The following AKR1C3 variants were observed in gnomAD, a reference collection of about 807,000 sequenced individuals.
AKR1C3 encodes aldo-keto reductase family 1 member C3, also known as 3-alpha hydroxysteroid dehydrogenase, type II.
In AKR1C3, 48 loss-of-function variants were observed where a neutral mutation model predicts 43.6. That is an observed-to-expected ratio of 1.10 (90% CI 0.87 to 1.40). AKR1C3 has a LOEUF of 1.40. Among genes scored for constraint, AKR1C3 ranks in the 40% most tolerant of loss-of-function variants. The probability of loss-of-function intolerance (pLI) is 0.00; values close to 1 mark genes in which losing one functional copy is unlikely to be tolerated. For missense variants in AKR1C3, 482 were observed against 391.2 expected (o/e 1.23, Z -1.96); for synonymous variants, 162 against 139.6 (o/e 1.16, Z -1.13).
At chr10:5,059,582 C>A (rs1838336005) in intron 1 of AKR1C3, among the ~76,000 whole-genome samples, 1 of 152,176 alleles carries the variant, frequency 6.6e-6, no homozygotes, top group Admixed American at 6.5e-5. Flanking sequence ...GGGTTGTTAG[C>A]CCTTTCCCAG....
chr10:5,082,058 T>C (rs1838849204), intron 1 of AKR1C3, among the ~76,000 whole-genome samples: 1 of 152,186 alleles, frequency 6.6e-6, no homozygotes, highest in African/African-American at 2.4e-5. Flanking sequence ...CATTCTCCAT[T>C]CTAGCAATTC....
chr10:5,092,483 C>CT (rs35143522), upstream of AKR1C3, among the ~76,000 whole-genome samples: 1,393 of 134,370 alleles, frequency 0.01, 14 homozygotes, highest in South Asian at 0.021. Flanking sequence ...TCTCTTTACT[C>CT]TTTTTTTTTT....
chr10:5,065,694 C>T (rs1250530700), intron 1 of AKR1C3, among the ~76,000 whole-genome samples: 2 of 152,088 alleles, frequency 1.3e-5, no homozygotes, highest in African/African-American at 2.4e-5. Context: ...TTGCTGTATG[C>T]CCTATGTAAA....
intron 1 of AKR1C3, among the ~76,000 whole-genome samples, chr10:5,049,322 G>A (rs1244075836): frequency 6.6e-6 from 1 of 152,130 alleles, no homozygotes; most frequent in Admixed American, 6.5e-5. Context: ...AGTGGAGATG[G>A]GGTGCATGAA....
chr10:5,077,446 CTG>C (rs569943362), intron 1 of AKR1C3, among the ~76,000 whole-genome samples: 186 of 152,266 alleles, frequency 1.2e-3, no homozygotes, highest in African/African-American at 4.2e-3. Context: ...TTGTGGGAAA[CTG>C]GAGTTCCACA....
In AKR1C3 at chr10:5,102,324, G is replaced by C. The variant is rs1554786173; in HGVS notation, c.680+114G>C. On this transcript the variant is annotated intron_variant, in intron 6 of 8. Coordinates refer to ENST00000380554, the MANE Select transcript of AKR1C3 (RefSeq NM_003739.6). Reference sequence around the variant, plus strand: ...TCAAGTGGCTCATGGAGAGGAAAGAGAATTGCATTTCTGACGAGATCTTGG... The same window carrying C: ...TCAAGTGGCTCATGGAGAGGAAAGACAATTGCATTTCTGACGAGATCTTGG... The C allele has an allele frequency of 4.4e-6, 7 of 1,589,568 alleles. No individual in the cohort carries two copies. In the African/African-American group the frequency reaches 9.5e-5, roughly 22 times the overall value.
At chr10:5,097,935 C>G in intron 3 of AKR1C3, 5 of 1,040,834 alleles carry the variant, frequency 4.8e-6, no homozygotes, top group Non-Finnish European at 5.8e-6. Flanking sequence ...TCCACCATCT[C>G]TCCCCATTTC....
At chr10:5,095,297 C>G (rs113410132) in intron 1 of AKR1C3, among the ~76,000 whole-genome samples, 2 of 152,012 alleles carry the variant, frequency 1.3e-5, no homozygotes, top group African/African-American at 4.8e-5. Context: ...AAATTTGAGT[C>G]TCTCACTTTA....
intron 1 of AKR1C3, among the ~76,000 whole-genome samples, chr10:5,050,570 T>G (rs564807409): frequency 5.3e-5 from 8 of 152,286 alleles, no homozygotes; most frequent in Admixed American, 5.2e-4. Flanking sequence ...TGGCACATTG[T>G]AAGAACTCAA....
At chr10:5,096,218 G>C (rs1839203138) in intron 1 of AKR1C3, 192 bp from the exon 2 acceptor site, 1 of 576,108 alleles carries the variant, frequency 1.7e-6, no homozygotes, top group African/African-American at 1.9e-5. Flanking sequence ...GAGATTGCCT[G>C]AGACTGAAGG....
At chr10:5,074,449 A>T (rs1387006696) in intron 1 of AKR1C3, among the ~76,000 whole-genome samples, 1 of 152,208 alleles carries the variant, frequency 6.6e-6, no homozygotes, top group Non-Finnish European at 1.5e-5. Flanking sequence ...CCTGTAGAGA[A>T]ACTCTGCTTG....
intron 5 of AKR1C3, 59 bp downstream of exon 5, chr10:5,099,508 T>G (rs1294773725): frequency 6.2e-7 from 1 of 1,610,082 alleles, no homozygotes. Context: ...CCTGTCCTAT[T>G]GCCAAATATC....
chr10:5,093,541 G>A (rs1839140645), upstream of AKR1C3: 1 of 152,066 alleles, frequency 6.6e-6, no homozygotes, highest in East Asian at 1.9e-4. Context: ...TCCCACATGA[G>A]AATTATTCAT....
chr10:5,068,509 CAA>C (rs74260861), intron 1 of AKR1C3, among the ~76,000 whole-genome samples: 9 of 59,480 alleles, frequency 1.5e-4, no homozygotes, highest in East Asian at 2.4e-3. Flanking sequence ...AACCTTTTAC[CAA>C]AAAAAAAAAA....
chr10:5,099,555 G>A, intron 5 of AKR1C3, 106 bp downstream of exon 5: 1 of 1,554,538 alleles, frequency 6.4e-7, no homozygotes, highest in East Asian at 2.3e-5. Context: ...TGAAGTAGAA[G>A]ATTATCTAGA....
intron 1 of AKR1C3, among the ~76,000 whole-genome samples, chr10:5,058,742 A>G (rs1838315911): frequency 6.6e-6 from 1 of 152,156 alleles, no homozygotes; most frequent in East Asian, 1.9e-4. Context: ...CTCCCAGACC[A>G]CATGGAGGAC....
chr10:5,107,350 AC>A, intron 8 of AKR1C3, 110 bp from the exon 9 acceptor site: 2 of 758,554 alleles, frequency 2.6e-6, no homozygotes, highest in Non-Finnish European at 4.5e-6. Context: ...AGATTCTACA[AC>A]TAGTCAGACA....
chr10:5,105,823 G>C, intron 8 of AKR1C3, 146 bp downstream of exon 8: 1 of 666,986 alleles, frequency 1.5e-6, no homozygotes, highest in Non-Finnish European at 2.6e-6. Context: ...ATTCACTCCA[G>C]AGCTCTGTTC....
chr10:5,095,412 A>T (rs1052904994), intron 1 of AKR1C3, among the ~76,000 whole-genome samples: 50 of 152,008 alleles, frequency 3.3e-4, no homozygotes, highest in African/African-American at 1.2e-3. Flanking sequence ...AAATAACGAC[A>T]CAACTGAAGC....
Sources: gnomAD v4.1 joint callset for allele counts (sites outside exome capture counted in the v4.1 genomes callset) on GRCh38, gnomAD v4.1.1 for gene constraint, MANE v1.5 for transcripts, NCBI Gene and HGNC (gene_info 2026-07-23, HGNC 2026-07-21) for gene names.